SCHIP1: variants seen among roughly 807,000 people sequenced by gnomAD.
SCHIP1 encodes schwannomin-interacting protein 1.
SCHIP1 carries 8 observed loss-of-function variants against 29.7 expected under a neutral mutation model. The observed-to-expected ratio is 0.27, with a 90% confidence interval of 0.16 to 0.49. SCHIP1 has a LOEUF of 0.49. Among genes scored for constraint, SCHIP1 ranks in the 20% least tolerant of loss-of-function variants. The pLI is 0.99. For missense variants in SCHIP1, 193 were observed against 294.6 expected (o/e 0.66, Z 2.52); for synonymous variants, 76 against 94.9 (o/e 0.80, Z 1.16).
At chr3:159,680,092 G>A in the SCHIP1 span, among the ~76,000 whole-genome samples, 1 of 151,666 alleles carries the variant, frequency 6.6e-6, no homozygotes, top group South Asian at 2.1e-4. Flanking sequence ...AGTTCATTGG[G>A]TCTCTTCCCA....
At chr3:159,604,261 T>G in the SCHIP1 span, among the ~76,000 whole-genome samples, 438 of 152,296 alleles carry the variant, frequency 2.9e-3, 1 homozygote, top group African/African-American at 1.0e-2. Context: ...TATCCCCAAT[T>G]TCCTAATGAA....
chr3:159,339,843 C>T, the SCHIP1 span, among the ~76,000 whole-genome samples: 5 of 151,968 alleles, frequency 3.3e-5, no homozygotes, highest in African/African-American at 1.2e-4. Flanking sequence ...CTGCTTTTGT[C>T]CACTGAAAAG....
At chr3:159,506,982 G>GT in the SCHIP1 span, among the ~76,000 whole-genome samples, 1 of 152,078 alleles carries the variant, frequency 6.6e-6, no homozygotes, top group Non-Finnish European at 1.5e-5. Flanking sequence ...CTTTAAAATA[G>GT]TTTTTTTCCA....
chr3:159,529,813 G>A, the SCHIP1 span, among the ~76,000 whole-genome samples: 6 of 152,128 alleles, frequency 3.9e-5, no homozygotes, highest in South Asian at 1.2e-3. Context: ...CCTTCCATGA[G>A]ATCAACTGTT....
chr3:159,593,418 C>T, the SCHIP1 span, among the ~76,000 whole-genome samples: 6 of 152,092 alleles, frequency 3.9e-5, no homozygotes, highest in Non-Finnish European at 7.3e-5. Flanking sequence ...TCTGCTGCAC[C>T]AACCCAGAAT....
At chr3:159,577,362 G>A in the SCHIP1 span, among the ~76,000 whole-genome samples, 3 of 152,134 alleles carry the variant, frequency 2.0e-5, no homozygotes, top group African/African-American at 7.2e-5. Context: ...GGTTTTAAAT[G>A]GCATTAATTT....
At chr3:159,814,768 A>G in the SCHIP1 span, among the ~76,000 whole-genome samples, 1 of 152,172 alleles carries the variant, frequency 6.6e-6, no homozygotes, top group Non-Finnish European at 1.5e-5. Context: ...GAACCGGAAG[A>G]TCTGATTTTA....
the SCHIP1 span, among the ~76,000 whole-genome samples, chr3:159,572,427 A>G: frequency 2.4e-4 from 36 of 151,688 alleles, no homozygotes; most frequent in Admixed American, 2.0e-3. Context: ...GTAGTTGTGT[A>G]GTTTTGAGTT....
At chr3:159,528,446 C>T in the SCHIP1 span, among the ~76,000 whole-genome samples, 1 of 152,130 alleles carries the variant, frequency 6.6e-6, no homozygotes, top group Non-Finnish European at 1.5e-5. Context: ...GCTGCTGCCT[C>T]GCTGCTAGTG....
At chr3:159,497,521 A>T in the SCHIP1 span, among the ~76,000 whole-genome samples, 1 of 152,012 alleles carries the variant, frequency 6.6e-6, no homozygotes. Flanking sequence ...ACTGGGGCCC[A>T]GAAGGGCTAG....
chr3:159,533,102 G>A, the SCHIP1 span, among the ~76,000 whole-genome samples: 1 of 152,126 alleles, frequency 6.6e-6, no homozygotes, highest in African/African-American at 2.4e-5. Flanking sequence ...TCCAAATAAT[G>A]GCACAGATGA....
the SCHIP1 span, among the ~76,000 whole-genome samples, chr3:159,617,576 T>C: frequency 9.8e-5 from 15 of 152,298 alleles, no homozygotes; most frequent in South Asian, 2.5e-3. Flanking sequence ...TGGGAGATTT[T>C]ATCTGCATAA....
the SCHIP1 span, among the ~76,000 whole-genome samples, chr3:159,553,026 A>G: frequency 6.6e-6 from 1 of 152,160 alleles, no homozygotes; most frequent in Non-Finnish European, 1.5e-5. Context: ...CCATCTTATC[A>G]TATTACGAAT....
At chr3:159,569,247 C>A in the SCHIP1 span, among the ~76,000 whole-genome samples, 1 of 151,936 alleles carries the variant, frequency 6.6e-6, no homozygotes, top group Admixed American at 6.6e-5. Context: ...ACACTTGTGC[C>A]ATGTTGGTTT....
chr3:159,741,218 A>T, the SCHIP1 span, among the ~76,000 whole-genome samples: 1 of 152,238 alleles, frequency 6.6e-6, no homozygotes, highest in Non-Finnish European at 1.5e-5. Context: ...AATGAGCCCA[A>T]GCTAATTCAA....
the SCHIP1 span, among the ~76,000 whole-genome samples, chr3:159,426,130 G>C: frequency 1.3e-5 from 2 of 151,938 alleles, no homozygotes; most frequent in Non-Finnish European, 2.9e-5. Context: ...ACAATTAAAA[G>C]AACTAGAAAA....
the SCHIP1 span, among the ~76,000 whole-genome samples, chr3:159,639,270 T>C: frequency 6.6e-6 from 1 of 152,180 alleles, no homozygotes; most frequent in Non-Finnish European, 1.5e-5. Flanking sequence ...TACCATTTAT[T>C]GGATCTTAAA....
chr3:159,467,236 A>T, the SCHIP1 span, among the ~76,000 whole-genome samples: 1 of 152,132 alleles, frequency 6.6e-6, no homozygotes, highest in South Asian at 2.1e-4. Flanking sequence ...ATCACATTTG[A>T]TTGCATATAC....
At chr3:159,686,889 A>G in the SCHIP1 span, among the ~76,000 whole-genome samples, 1 of 152,152 alleles carries the variant, frequency 6.6e-6, no homozygotes, top group Non-Finnish European at 1.5e-5. Context: ...ACATCCTTGG[A>G]GGGCAGTTTG....
Sources: allele counts gnomAD v4.1 joint callset (sites outside exome capture counted in the v4.1 genomes callset), GRCh38; gene constraint gnomAD v4.1.1; transcripts MANE v1.5; gene names NCBI Gene and HGNC (gene_info 2026-07-23, HGNC 2026-07-21).